CSMD1: variants seen among roughly 807,000 people sequenced by gnomAD.
CSMD1 encodes CUB and sushi domain-containing protein 1.
A neutral mutation model predicts 417.5 loss-of-function variants in CSMD1; 213 were observed. That is an observed-to-expected ratio of 0.51 (90% CI 0.46 to 0.57). The LOEUF is 0.57. CSMD1 is among the 20% of genes least tolerant of loss of function. The probability of loss-of-function intolerance (pLI) is 0.00; values close to 1 mark genes in which losing one functional copy is unlikely to be tolerated. For synonymous variants in CSMD1, 2,862 were observed against 1,736.8 expected, an observed-to-expected ratio of 1.65 and a Z score of -16.11; for missense variants, 6,923 against 4,529.7, an observed-to-expected ratio of 1.53 and a Z score of -15.17.
At chr8:3,924,508 G>C (rs1255987150) in intron 5 of CSMD1, among the ~76,000 whole-genome samples, 1 of 152,078 alleles carries the variant, frequency 6.6e-6, no homozygotes, top group East Asian at 1.9e-4. Flanking sequence ...TGATTCACTT[G>C]ATGGTTTCCC....
intron 1 of CSMD1, among the ~76,000 whole-genome samples, chr8:4,799,853 T>C (rs1798181618): frequency 6.6e-6 from 1 of 152,048 alleles, no homozygotes; most frequent in African/African-American, 2.4e-5. Context: ...TTAGAAACTT[T>C]AACCTGTGTA....
intron 1 of CSMD1, among the ~76,000 whole-genome samples, chr8:4,726,966 G>A (rs925822490): frequency 3.9e-5 from 6 of 152,074 alleles, no homozygotes; most frequent in African/African-American, 1.4e-4. Flanking sequence ...AAAATACATG[G>A]ATGAGATGAT....
At chr8:4,506,748 T>C (rs929700175) in intron 2 of CSMD1, among the ~76,000 whole-genome samples, 3 of 152,182 alleles carry the variant, frequency 2.0e-5, no homozygotes, top group Non-Finnish European at 2.9e-5. Context: ...AGCTTATATA[T>C]GGTTAAATAA....
chr8:3,032,075 G>C (rs1810378258), intron 50 of CSMD1, among the ~76,000 whole-genome samples: 1 of 151,602 alleles, frequency 6.6e-6, no homozygotes, highest in Admixed American at 6.6e-5. Context: ...AGAGAGGAAA[G>C]AAACGTGTAT....
intron 50 of CSMD1, among the ~76,000 whole-genome samples, chr8:3,046,775 C>G (rs1811473562): frequency 6.6e-6 from 1 of 152,246 alleles, no homozygotes; most frequent in Non-Finnish European, 1.5e-5. Flanking sequence ...CCAGCCACAT[C>G]TGTGTGCTCA....
Position 3,173,732 on chromosome 8 carries a change from C to G in CSMD1, c.5725+7378G>C, listed in dbSNP as rs1820729616. ...TCGCTATATTGGAGTTCTGCTTTCT[C>G]TATTTATCATGTTTCCTGTGATGTT... On this transcript the variant is annotated intron_variant, in intron 37 of 69. Transcript: ENST00000635120. 1.3e-5 allele frequency among the ~76,000 whole-genome samples: 2 copies of G among 152,148 alleles called. 1 individual carries two copies. Among genetic ancestry groups the G allele is most frequent in the Admixed American group, 1.3e-4 (2 of 15,274 alleles).
At chr8:3,848,897 G>C (rs1446414057) in intron 5 of CSMD1, among the ~76,000 whole-genome samples, 1 of 150,868 alleles carries the variant, frequency 6.6e-6, no homozygotes, top group African/African-American at 2.4e-5. Context: ...ATATAAAGAA[G>C]ATACATATCT....
chr8:4,056,460 A>C lies in CSMD1; in HGVS notation c.416-24361T>G, dbSNP rs193059011. Among the ~76,000 whole-genome samples, 6 of 151,964 alleles carry C rather than the reference A, an allele frequency of 3.9e-5. No homozygotes were observed. The East Asian group carries it at 7.7e-4, about 20-fold the overall frequency. On this transcript the variant is annotated intron_variant, in intron 3 of 69. Coordinates refer to ENST00000635120, the MANE Select transcript of CSMD1 (RefSeq NM_033225.6). ...CATTAAAATTTATTTATGATATTAA[A>C]ATACACAAATAGTTTCCGGGGCTGA... is the stretch of plus-strand genomic sequence containing the variant.
chr8:4,365,291 ATT>A (rs1801999145), intron 3 of CSMD1, among the ~76,000 whole-genome samples: 1 of 152,226 alleles, frequency 6.6e-6, no homozygotes, highest in African/African-American at 2.4e-5. Flanking sequence ...GTGTAAATAA[ATT>A]TAGGATTACA....
At chr8:4,128,013 A>G (rs1056593137) in intron 3 of CSMD1, among the ~76,000 whole-genome samples, 1 of 152,232 alleles carries the variant, frequency 6.6e-6, no homozygotes, top group Admixed American at 6.5e-5. Context: ...CACTTGAGCA[A>G]GTACCACATT....
chr8:4,072,371 A>G (rs755773684), intron 3 of CSMD1, among the ~76,000 whole-genome samples: 6 of 152,122 alleles, frequency 3.9e-5, no homozygotes, highest in Non-Finnish European at 8.8e-5. Context: ...AATAATAGCT[A>G]CCTGCCTTTA....
intron 50 of CSMD1, among the ~76,000 whole-genome samples, chr8:3,041,195 G>C (rs1310202584): frequency 2.0e-5 from 3 of 151,984 alleles, no homozygotes; most frequent in Non-Finnish European, 2.9e-5. Context: ...AAATTTTACA[G>C]GGTTAAAGCA....
chr8:4,524,809 A>C (rs1796434464), intron 2 of CSMD1, among the ~76,000 whole-genome samples: 1 of 152,110 alleles, frequency 6.6e-6, no homozygotes, highest in Admixed American at 6.5e-5. Context: ...GGTGAGTCAA[A>C]ATTGTGCATT....
intron 7 of CSMD1, among the ~76,000 whole-genome samples, chr8:3,653,384 T>C (rs1055805800): frequency 6.6e-5 from 10 of 152,108 alleles, no homozygotes; most frequent in African/African-American, 9.7e-5. Flanking sequence ...TCTCGGCTCA[T>C]TGCAACCTCC....
intron 3 of CSMD1, among the ~76,000 whole-genome samples, chr8:4,087,978 CTT>C (rs1399339370): frequency 6.6e-6 from 1 of 152,120 alleles, no homozygotes; most frequent in Non-Finnish European, 1.5e-5. Flanking sequence ...GAAAAGCTCA[CTT>C]GACCTCTGAA....
chr8:4,625,886 G>C (rs1462715624), intron 2 of CSMD1, among the ~76,000 whole-genome samples: 2 of 151,978 alleles, frequency 1.3e-5, no homozygotes, highest in Non-Finnish European at 2.9e-5. Context: ...CCCACGCCTG[G>C]CTAATTGTTG....
intron 3 of CSMD1, among the ~76,000 whole-genome samples, chr8:4,045,464 G>A (rs942745856): frequency 4.6e-5 from 7 of 152,206 alleles, no homozygotes; most frequent in Admixed American, 3.9e-4. Flanking sequence ...AGGGCCACTG[G>A]TGCTGGGGTC....
chr8:3,414,172 C>A (rs1585129238), intron 12 of CSMD1, among the ~76,000 whole-genome samples: 2 of 81,918 alleles, frequency 2.4e-5, no homozygotes, highest in African/African-American at 9.0e-5. Context: ...GAAGCAAACA[C>A]TATGATTTGG....
At chr8:3,868,574 G>A (rs1805266992) in intron 5 of CSMD1, among the ~76,000 whole-genome samples, 1 of 152,076 alleles carries the variant, frequency 6.6e-6, no homozygotes, top group Non-Finnish European at 1.5e-5. Flanking sequence ...TGGATTTGAG[G>A]GTCCAGCAGC....
Sources: gnomAD v4.1 joint callset for allele counts (sites outside exome capture counted in the v4.1 genomes callset) on GRCh38, gnomAD v4.1.1 for gene constraint, MANE v1.5 for transcripts, NCBI Gene and HGNC (gene_info 2026-07-23, HGNC 2026-07-21) for gene names.